Variants in CLIC4 observed in about 807,000 individuals in gnomAD.
CLIC4 encodes chloride intracellular channel protein 4.
CLIC4 carries 13 observed loss-of-function variants against 24.6 expected under a neutral mutation model. The observed-to-expected ratio is 0.53, with a 90% confidence interval of 0.34 to 0.84. CLIC4 has a LOEUF of 0.84. Ranked by LOEUF, CLIC4 falls within the 40% of genes least tolerant of loss-of-function variation. CLIC4 has a pLI of 0.01. For synonymous variants in CLIC4, 104 were observed against 111.3 expected (o/e 0.93, Z 0.41); for missense variants, 227 against 301.7 (o/e 0.75, Z 1.83).
At chr1:24,780,493 CA>C (rs1639189639) in intron 1 of CLIC4, among the ~76,000 whole-genome samples, 1 of 152,240 alleles carries the variant, frequency 6.6e-6, no homozygotes, top group Non-Finnish European at 1.5e-5. Context: ...GTACTCATGG[CA>C]ATCTTGTCAC....
chr1:24,822,723 C>T (rs1639747930), intron 3 of CLIC4, among the ~76,000 whole-genome samples: 1 of 152,122 alleles, frequency 6.6e-6, no homozygotes, highest in Non-Finnish European at 1.5e-5. Flanking sequence ...ATTGAAACAG[C>T]ATGTTTGAAG....
intron 4 of CLIC4, among the ~76,000 whole-genome samples, chr1:24,837,664 TAACA>T (rs1333890691): frequency 6.6e-6 from 1 of 152,154 alleles, no homozygotes; most frequent in African/African-American, 2.4e-5. Context: ...TCCAGCAACA[TAACA>T]AAAGGTAGTA....
At chr1:24,804,356 T>TG (rs1394520605) in intron 2 of CLIC4, among the ~76,000 whole-genome samples, 1 of 121,888 alleles carries the variant, frequency 8.2e-6, no homozygotes. Flanking sequence ...ACTGTGTGTG[T>TG]GGGGGGTGTG....
intron 1 of CLIC4, among the ~76,000 whole-genome samples, chr1:24,746,832 A>G (rs1013828519): frequency 6.6e-6 from 1 of 152,068 alleles, no homozygotes; most frequent in African/African-American, 2.4e-5. Context: ...CTGTCTCTAC[A>G]AAAAAATTCA....
chr1:24,747,711 A>G (rs1197835071), intron 1 of CLIC4, among the ~76,000 whole-genome samples: 2 of 152,128 alleles, frequency 1.3e-5, no homozygotes. Flanking sequence ...CATGATACTT[A>G]ACGGTGAAAC....
chr1:24,784,791 G>C (rs1490364072), intron 1 of CLIC4, among the ~76,000 whole-genome samples: 1 of 152,030 alleles, frequency 6.6e-6, no homozygotes, highest in East Asian at 1.9e-4. Context: ...GGATCACGAG[G>C]TCAGGAGATC....
chr1:24,821,987 A>G (rs1376800999), intron 3 of CLIC4, among the ~76,000 whole-genome samples: 1 of 152,180 alleles, frequency 6.6e-6, no homozygotes, highest in Non-Finnish European at 1.5e-5. Context: ...TTTGTGGATT[A>G]TCTCTGTTAA....
At chr1:24,800,857 C>T (rs1184896856) in intron 2 of CLIC4, among the ~76,000 whole-genome samples, 1 of 151,850 alleles carries the variant, frequency 6.6e-6, no homozygotes, top group Non-Finnish European at 1.5e-5. Context: ...TAAACAGATG[C>T]TTGAAGGCAG....
intron 1 of CLIC4, among the ~76,000 whole-genome samples, chr1:24,786,477 C>G (rs1639268833): frequency 6.6e-6 from 1 of 152,120 alleles, no homozygotes; most frequent in African/African-American, 2.4e-5. Flanking sequence ...AACACCCAGA[C>G]AGCAAAGTAA....
At chr1:24,820,067 G>GTGTATATATATATA (rs1212033050) in intron 3 of CLIC4, among the ~76,000 whole-genome samples, 1,683 of 36,352 alleles carry the variant, frequency 0.046, 364 homozygotes, top group Non-Finnish European at 0.07. Context: ...AAAAAAGTAT[G>GTGTATATATATATA]TATATATATA....
chr1:24,767,533 A>G (rs1639016572), intron 1 of CLIC4, among the ~76,000 whole-genome samples: 1 of 152,176 alleles, frequency 6.6e-6, no homozygotes, highest in Non-Finnish European at 1.5e-5. Flanking sequence ...TAGTACAAAA[A>G]AAGTTCAAGG....
At chr1:24,800,383 G>A (rs1449310412) in intron 2 of CLIC4, among the ~76,000 whole-genome samples, 1 of 146,992 alleles carries the variant, frequency 6.8e-6, no homozygotes, top group Non-Finnish European at 1.5e-5. Context: ...GCCCCGTCCG[G>A]GAGGGAGGTG....
chr1:24,835,909 A>G (rs1230896664), intron 4 of CLIC4, among the ~76,000 whole-genome samples: 2 of 152,244 alleles, frequency 1.3e-5, no homozygotes, highest in Non-Finnish European at 2.9e-5. Context: ...AAATATTCCA[A>G]ATGAAAAAAC....
intron 1 of CLIC4, among the ~76,000 whole-genome samples, chr1:24,776,896 G>A (rs190502084): frequency 1.6e-4 from 24 of 152,146 alleles, no homozygotes; most frequent in Non-Finnish European, 2.9e-4. Flanking sequence ...TGGGCGACAA[G>A]AGCAAAACTC....
At position 24,843,306 on chromosome 1, in the gene CLIC4, A is replaced by G. The variant is rs1639961519; in HGVS notation, c.*2369A>G. On this transcript the variant is annotated 3_prime_UTR_variant, in exon 6 of 6. Transcript: ENST00000374379. The stretch of plus-strand genomic sequence containing the variant: ...CTTTAACCCCATTGTATGTTTGTGG[A>G]AAGAGCATAGTTTAACATCTTGAGA... 6.6e-6 allele frequency: 1 copy of G among 152,240 alleles called. No individual in the cohort carries two copies. The highest frequency in any genetic ancestry group is 1.5e-5 in the Non-Finnish European group (1 of 68,022). 9.4% of individuals were successfully genotyped at this position (152,240 alleles called of 1,614,324 possible). A position where few individuals can be genotyped will look rare whatever the true frequency, so the allele number is the denominator to read the frequency against.
intron 3 of CLIC4, among the ~76,000 whole-genome samples, chr1:24,819,371 A>G (rs1474505797): frequency 1.3e-5 from 2 of 152,192 alleles, no homozygotes. Context: ...ATTTGTGAAT[A>G]TAAATTGAAG....
intron 1 of CLIC4, among the ~76,000 whole-genome samples, chr1:24,792,846 A>G (rs970827883): frequency 6.6e-6 from 1 of 152,224 alleles, no homozygotes; most frequent in Non-Finnish European, 1.5e-5. Context: ...TGTCCTGACC[A>G]GGTCTTCATG....
chr1:24,797,606 C>A, intron 1 of CLIC4, 136 bp from the exon 2 acceptor site: 2 of 504,436 alleles, frequency 4.0e-6, no homozygotes, highest in Non-Finnish European at 6.8e-6. Flanking sequence ...ATAATAAAGA[C>A]CCAAATTTCT....
intron 1 of CLIC4, among the ~76,000 whole-genome samples, chr1:24,790,490 G>A (rs182979985): frequency 6.6e-6 from 1 of 152,304 alleles, no homozygotes; most frequent in East Asian, 1.9e-4. Context: ...GAATTAGATG[G>A]TAGTGAGTTT....
Sources: gnomAD v4.1 joint callset for allele counts (sites outside exome capture counted in the v4.1 genomes callset) on GRCh38, gnomAD v4.1.1 for gene constraint, MANE v1.5 for transcripts, NCBI Gene and HGNC (gene_info 2026-07-23, HGNC 2026-07-21) for gene names.